ARIH1: variants seen among roughly 807,000 people sequenced by gnomAD.
ARIH1 encodes ariadne RBR E3 ubiquitin protein ligase 1.
A neutral mutation model predicts 85.0 loss-of-function variants in ARIH1; 8 were observed. The observed-to-expected ratio is 0.09, with a 90% CI of 0.06 to 0.17. The LOEUF (loss-of-function observed/expected upper bound fraction) is 0.17. Among genes scored for constraint, ARIH1 ranks in the 10% least tolerant of loss-of-function variants. The pLI is 1.00. For synonymous variants in ARIH1, 238 were observed against 253.6 expected (o/e 0.94, Z 0.59); for missense variants, 311 against 718.1 (o/e 0.43, Z 6.48).
At position 72,593,238 on chromosome 15, in the gene ARIH1, A is replaced by C. The variant is rs1162984299; in HGVS notation, c.*9946A>C. The C allele has an allele frequency of 1.3e-5, 2 of 151,800 alleles. No homozygotes were observed. Among genetic ancestry groups the C allele is most frequent in the Non-Finnish European group, 2.9e-5 (2 of 67,908 alleles). The allele number at this position is 151,800 out of a possible 1,614,324, so 9.4% of individuals were successfully genotyped here. A position where few individuals can be genotyped will look rare whatever the true frequency, so the allele number is the denominator to read the frequency against. On this transcript the variant is annotated 3_prime_UTR_variant, in exon 14 of 14. Coordinates refer to ENST00000379887, the MANE Select transcript of ARIH1 (RefSeq NM_005744.5). ...GTCTTTCATGTCTTTTCTCATTTTA[A>C]AGTTGGGTGTCTTTTTATTGTAGGT... is the stretch of plus-strand genomic sequence containing the variant.
chr15:72,515,099 G>C (rs879788085), intron 1 of ARIH1, among the ~76,000 whole-genome samples: 5 of 152,178 alleles, frequency 3.3e-5, no homozygotes, highest in Non-Finnish European at 7.3e-5. Context: ...ACTTTGGGAG[G>C]CCGAGGTGGG....
chr15:72,568,853 T>C (rs1167220387), intron 9 of ARIH1, among the ~76,000 whole-genome samples: 1 of 152,194 alleles, frequency 6.6e-6, no homozygotes, highest in Non-Finnish European at 1.5e-5. Context: ...ATTGCTATCA[T>C]TGATGGGCAG....
At chr15:72,508,782 G>A (rs12915048) in intron 1 of ARIH1, among the ~76,000 whole-genome samples, 93,512 of 148,728 alleles carry the variant, frequency 0.63, 34,193 homozygotes, top group South Asian at 0.84. Flanking sequence ...CAACCTCCAC[G>A]TCCCGGGTTC....
At chr15:72,504,266 G>T (rs1320731235) in intron 1 of ARIH1, among the ~76,000 whole-genome samples, 1 of 152,054 alleles carries the variant, frequency 6.6e-6, no homozygotes, top group African/African-American at 2.4e-5. Flanking sequence ...TGTTGGCCAG[G>T]CTGGACTCGA....
At chr15:72,498,711 A>G (rs2063890176) in intron 1 of ARIH1, among the ~76,000 whole-genome samples, 1 of 151,766 alleles carries the variant, frequency 6.6e-6, no homozygotes, top group Admixed American at 6.6e-5. Flanking sequence ...GTGGTGGTGC[A>G]TGCCTGTAAT....
rs781108925 is a variant in ARIH1, at chr15:72,474,756, C to T, written c.117C>T (p.Thr39=). Residue 39 remains threonine, a synonymous_variant, in exon 1 of 14, where the codon ACC becomes ACT. Coordinates refer to ENST00000379887, the MANE Select transcript of ARIH1 (RefSeq NM_005744.5). ...ACGACGACGAGCCGGACGATGATAC[C>T]CTGGATCTGGGCGAGGTGGAGCTGG... The part of the protein sequence containing the change: ...DEDDDEPDDD[T]LDLGEVELVE... 1.3e-6 allele frequency: 2 copies of T among 1,553,112 alleles called. No homozygotes were observed. The highest frequency in any genetic ancestry group is 8.7e-7 in the Non-Finnish European group (1 of 1,150,386).
chr15:72,533,483 A>C (rs1269107357), intron 2 of ARIH1, among the ~76,000 whole-genome samples: 2 of 152,258 alleles, frequency 1.3e-5, no homozygotes, highest in East Asian at 3.8e-4. Flanking sequence ...GTGATTGTAC[A>C]TGTGGAAAAA....
chr15:72,525,032 G>A (rs1277543951), intron 2 of ARIH1, among the ~76,000 whole-genome samples: 1 of 152,090 alleles, frequency 6.6e-6, no homozygotes, highest in Non-Finnish European at 1.5e-5. Context: ...AACTACAGGT[G>A]CGTGCCACCA....
intron 1 of ARIH1, among the ~76,000 whole-genome samples, chr15:72,512,647 G>T (rs891616415): frequency 6.7e-6 from 1 of 148,954 alleles, no homozygotes; most frequent in Non-Finnish European, 1.5e-5. Context: ...TCTTACATAA[G>T]CATTTAATAT....
At chr15:72,569,524 T>C (rs1166640441) in intron 9 of ARIH1, among the ~76,000 whole-genome samples, 1 of 152,180 alleles carries the variant, frequency 6.6e-6, no homozygotes, top group Non-Finnish European at 1.5e-5. Flanking sequence ...GATCCTGACT[T>C]GACTTATGTG....
Position 72,542,719 on chromosome 15 carries a change from A to G in ARIH1, c.444-2101A>G, listed in dbSNP as rs149801935. Among the ~76,000 whole-genome samples, 821 of 152,304 alleles carry G rather than the reference A, an allele frequency of 5.4e-3. 9 individuals carry two copies. The highest frequency in any genetic ancestry group is 0.017 in the Middle Eastern group (5 of 294). On this transcript the variant is annotated intron_variant, in intron 2 of 13. Transcript: ENST00000379887. ...TAGGGACACATGTCTGTGTGGCTGTATACTCATAGAATGCTGTCTAGAATG... is the reference window on the plus strand; with the variant it reads ...TAGGGACACATGTCTGTGTGGCTGTGTACTCATAGAATGCTGTCTAGAATG...
At chr15:72,521,284 C>T (rs1485124764) in intron 2 of ARIH1, among the ~76,000 whole-genome samples, 4 of 131,704 alleles carry the variant, frequency 3.0e-5, no homozygotes, top group Non-Finnish European at 3.1e-5. Context: ...TAGAATATAT[C>T]CTGTAATATA....
intron 9 of ARIH1, among the ~76,000 whole-genome samples, chr15:72,569,120 G>A (rs931407109): frequency 6.6e-6 from 1 of 151,986 alleles, no homozygotes; most frequent in Admixed American, 6.6e-5. Context: ...ACCAACCTGG[G>A]CAACATGGTG....
In ARIH1 at chr15:72,591,280, G is replaced by T. The variant is rs1156885595; in HGVS notation, c.*7988G>T. ...AGAAATACAAAACCAACTCTTTATAGTAGACAGTTTATCCCCCAGAAAGCT... is the reference window on the plus strand; with the variant it reads ...AGAAATACAAAACCAACTCTTTATATTAGACAGTTTATCCCCCAGAAAGCT... On this transcript the variant is annotated 3_prime_UTR_variant, in exon 14 of 14. Coordinates refer to ENST00000379887, the MANE Select transcript of ARIH1 (RefSeq NM_005744.5). The T allele has an allele frequency of 6.8e-6, 1 of 147,544 alleles. No individual in the cohort carries two copies. Among genetic ancestry groups the T allele is most frequent in the Non-Finnish European group, 1.5e-5 (1 of 66,836 alleles). The allele number at this position is 147,544 out of a possible 1,614,324, so 9.1% of individuals were successfully genotyped here.
intron 11 of ARIH1, among the ~76,000 whole-genome samples, chr15:72,577,973 C>G (rs577922451): frequency 6.6e-6 from 1 of 152,292 alleles, no homozygotes; most frequent in Non-Finnish European, 1.5e-5. Context: ...AAAGGAAGTC[C>G]AAAGCAGTCT....
intron 1 of ARIH1, among the ~76,000 whole-genome samples, chr15:72,489,970 G>A (rs1478827029): frequency 1.3e-5 from 2 of 151,942 alleles, no homozygotes; most frequent in Non-Finnish European, 2.9e-5. Flanking sequence ...GCTCTCTTTG[G>A]AAAAAAATCA....
At chr15:72,567,286 T>C in intron 9 of ARIH1, 109 bp downstream of exon 9, 1 of 792,518 alleles carries the variant, frequency 1.3e-6, no homozygotes, top group Admixed American at 2.8e-5. Context: ...TTTCATCTTT[T>C]TCTCCATTGA....
At chr15:72,485,675 A>G (rs927419830) in intron 1 of ARIH1, among the ~76,000 whole-genome samples, 2 of 151,428 alleles carry the variant, frequency 1.3e-5, no homozygotes, top group African/African-American at 2.4e-5. Context: ...AGGTTAATCA[A>G]CCCCCCTTTC....
In ARIH1 at chr15:72,506,984, GTA is replaced by G. The variant is rs2063928652; in HGVS notation, c.376-11081_376-11080del. Among the ~76,000 whole-genome samples the G allele has an allele frequency of 9.1e-4, 4 of 4,396 alleles. No individual in the cohort carries two copies. In the Non-Finnish European group the frequency reaches 0.087, roughly 96 times the overall value. The allele number at this position is 4,396 out of a possible 152,430, so 2.9% of individuals were successfully genotyped here. A position where few individuals can be genotyped will look rare whatever the true frequency, so the allele number is the denominator to read the frequency against. On this transcript the variant is annotated intron_variant, in intron 1 of 13. Transcript: ENST00000379887. ...GCAATTTGGTTGTGATTATTTTTAT[GTA>G]TGTATGTATGTATGTATGTATGTAT...
Sources: allele counts gnomAD v4.1 joint callset (sites outside exome capture counted in the v4.1 genomes callset), GRCh38; gene constraint gnomAD v4.1.1; transcripts MANE v1.5; gene names NCBI Gene and HGNC (gene_info 2026-07-23, HGNC 2026-07-21).